Variants in SYK observed in about 807,000 individuals in gnomAD.
SYK encodes the protein tyrosine-protein kinase SYK.
In SYK, 16 loss-of-function variants were observed where a neutral mutation model predicts 77.8. The ratio of observed to expected loss-of-function variants is 0.21; its 90% CI spans 0.14 to 0.31. The LOEUF (loss-of-function observed/expected upper bound fraction) is 0.31. Among genes scored for constraint, SYK ranks in the 10% least tolerant of loss-of-function variants. The pLI is 1.00. For missense variants in SYK, 529 were observed against 814.4 expected, an observed-to-expected ratio of 0.65 and a Z score of 4.26; for synonymous variants, 312 against 308.7, an observed-to-expected ratio of 1.01 and a Z score of -0.11.
At chr9:90,838,980 A>C (rs973509993) in intron 1 of SYK, among the ~76,000 whole-genome samples, 1 of 152,210 alleles carries the variant, frequency 6.6e-6, no homozygotes, top group Admixed American at 6.5e-5. Flanking sequence ...CGTGGCCAAG[A>C]CTACGCTGGG....
At chr9:90,868,750 G>T (rs1360251991) in intron 7 of SYK, among the ~76,000 whole-genome samples, 1 of 152,174 alleles carries the variant, frequency 6.6e-6, no homozygotes, top group Non-Finnish European at 1.5e-5. Flanking sequence ...CTTCCTTGGG[G>T]AAGTCTGAAA....
intron 1 of SYK, among the ~76,000 whole-genome samples, chr9:90,833,886 A>G (rs1163992689): frequency 6.6e-6 from 1 of 152,226 alleles, no homozygotes; most frequent in Non-Finnish European, 1.5e-5. Flanking sequence ...TTTAAATAAA[A>G]CACATGGAAG....
In SYK at chr9:90,895,446, C is replaced by T. The variant is rs945329289; in HGVS notation, c.1836-82C>T. ...CCACCAGGGAGCAGCACCACTGGTA[C>T]TCAGCCTGCAGAGGCCCTGCTTGTG... On this transcript the variant is annotated intron_variant, in intron 13 of 13. Coordinates refer to ENST00000375754, the MANE Select transcript of SYK (RefSeq NM_003177.7). This position sits in a 1 kb window ranked among gnomAD's most constrained non-coding sequence, Gnocchi z 4.4. 3.8e-5 allele frequency: 55 copies of T among 1,459,848 alleles called. No individual in the cohort carries two copies. The highest frequency in any genetic ancestry group is 2.8e-5 in the African/African-American group (2 of 72,098). The allele number at this position is 1,459,848 out of a possible 1,614,324, so 90.4% of individuals were successfully genotyped here. A position where few individuals can be genotyped will look rare whatever the true frequency, so the allele number is the denominator to read the frequency against.
chr9:90,860,430 G>GAAAAGATTACCA (rs1827210557), intron 3 of SYK, among the ~76,000 whole-genome samples: 1 of 112,932 alleles, frequency 8.9e-6, no homozygotes, highest in South Asian at 3.7e-4. Context: ...AGATTACCAT[G>GAAAAGATTACCA]TGGTTTTTTG....
chr9:90,824,752 A>AAC (rs2118444912), intron 1 of SYK, among the ~76,000 whole-genome samples: 1 of 151,952 alleles, frequency 6.6e-6, no homozygotes, highest in African/African-American at 2.4e-5. Flanking sequence ...AAAAAAAAAA[A>AAC]CCTACAGGTA....
At chr9:90,812,719 G>T (rs1825124444) in intron 1 of SYK, among the ~76,000 whole-genome samples, 1 of 150,188 alleles carries the variant, frequency 6.7e-6, no homozygotes, top group African/African-American at 2.5e-5. Flanking sequence ...GGGCAGGCCA[G>T]AGTGGCTCCT....
chr9:90,853,017 A>G (rs1231320650), intron 3 of SYK, among the ~76,000 whole-genome samples: 1 of 152,014 alleles, frequency 6.6e-6, no homozygotes, highest in Admixed American at 6.6e-5. Flanking sequence ...TTACTTGTTT[A>G]TAGTCCCCAC....
At position 90,896,213 on chromosome 9, in the gene SYK, A is replaced by AAAG. The variant is rs1270686820; in HGVS notation, c.*614_*616dup. On this transcript the variant is annotated 3_prime_UTR_variant, in exon 14 of 14. Coordinates refer to ENST00000375754, the MANE Select transcript of SYK (RefSeq NM_003177.7). The stretch of plus-strand genomic sequence containing the variant: ...AAGGAAAGAAAGAAAGAAAAAAAAA[A>AAAG]AAGGCCTGGATACTGCTTTTGCTGT... 2 of 233,194 alleles carry AAAG rather than the reference A, an allele frequency of 8.6e-6. No individual in the cohort carries two copies. Among genetic ancestry groups the AAAG allele is most frequent in the African/African-American group, 4.4e-5 (2 of 45,356 alleles). The allele number at this position is 233,194 out of a possible 1,614,324, so 14.4% of individuals were successfully genotyped here.
rs148413110 is a variant in SYK at position 90,845,586 on chromosome 9, A to C, written c.570A>C (p.Gly190=). 1.6e-5 allele frequency: 26 copies of C among 1,613,958 alleles called. No individual in the cohort carries two copies. The African/African-American group carries it at 3.5e-4, about 22-fold the overall frequency. Residue 190 remains glycine (G), a synonymous_variant, in exon 3 of 14, where the codon GGA becomes GGC. Transcript: ENST00000375754. The stretch of plus-strand genomic sequence containing the variant: ...TCCTGATAGGATCAAAGACAAATGG[A>C]AAGTTCCTGTGAGTATCGTGCCTTC... ...QIVLIGSKTN[G]KFLIRARDNN...
chr9:90,854,589 A>G (rs1826949739), intron 3 of SYK, among the ~76,000 whole-genome samples: 1 of 152,058 alleles, frequency 6.6e-6, no homozygotes, highest in Non-Finnish European at 1.5e-5. Flanking sequence ...GCTCTTTAAT[A>G]CATTAGTTAA....
At chr9:90,886,111 C>A (rs1828564641) in intron 11 of SYK, among the ~76,000 whole-genome samples, 1 of 152,076 alleles carries the variant, frequency 6.6e-6, no homozygotes, top group Non-Finnish European at 1.5e-5. Flanking sequence ...CACTGGTAAA[C>A]CAAACATACA....
chr9:90,844,214 C>A lies in SYK; in HGVS notation c.316C>A (p.Pro106Thr). ...SDGLVCLLKK[P>T]FNRPQGVQPK... ...TGGCCTGGTCTGCCTCCTCAAGAAGCCCTTCAACCGGCCCCAAGGGGTGCA... is the reference window on the plus strand; with the variant it reads ...TGGCCTGGTCTGCCTCCTCAAGAAGACCTTCAACCGGCCCCAAGGGGTGCA... Residue 106 changes from proline (P) to threonine (T), a missense_variant, in exon 2 of 14, where the codon CCC (proline) becomes ACC (threonine). Pro to Thr is a conservative substitution (Grantham distance 38). Transcript: ENST00000375754. The A allele has an allele frequency of 6.2e-7, 1 of 1,614,236 alleles. No homozygotes were observed. The highest frequency in any genetic ancestry group is 8.5e-7 in the Non-Finnish European group (1 of 1,180,028).
In SYK at chr9:90,884,556, CAT is replaced by C. The variant is rs760939238; in HGVS notation, c.1582-3190_1582-3189del. On this transcript the variant is annotated intron_variant, in intron 11 of 13. Coordinates refer to ENST00000375754, the MANE Select transcript of SYK (RefSeq NM_003177.7). ...GTACATGTACATACATACACATACACATATGTGTACATGTACATACATACACA... is the reference window on the plus strand; with the variant it reads ...GTACATGTACATACATACACATACACATGTGTACATGTACATACATACACA... Among the ~76,000 whole-genome samples, 3 of 96,504 alleles carry C rather than the reference CAT, an allele frequency of 3.1e-5. 1 individual carries two copies. The highest frequency in any genetic ancestry group is 6.3e-5 in the Non-Finnish European group (3 of 47,664). The allele number at this position is 96,504 out of a possible 152,430, so 63.3% of individuals were successfully genotyped here. A position where few individuals can be genotyped will look rare whatever the true frequency, so the allele number is the denominator to read the frequency against.
At chr9:90,877,059 A>G in intron 9 of SYK, among the ~76,000 whole-genome samples, 1 of 151,968 alleles carries the variant, frequency 6.6e-6, no homozygotes, top group East Asian at 1.9e-4. Flanking sequence ...TTTTTATTTT[A>G]TATTATTTTT....
At chr9:90,840,329 G>A (rs1826248526) in intron 1 of SYK, among the ~76,000 whole-genome samples, 2 of 152,062 alleles carry the variant, frequency 1.3e-5, no homozygotes, top group South Asian at 2.1e-4. Context: ...AGTATGAGAC[G>A]TGCTGGGCTG....
intron 3 of SYK, among the ~76,000 whole-genome samples, chr9:90,860,426 C>A (rs982574557): frequency 1.6e-5 from 2 of 128,064 alleles, no homozygotes; most frequent in Non-Finnish European, 3.1e-5. Flanking sequence ...GAAAAGATTA[C>A]CATGTGGTTT....
intron 11 of SYK, among the ~76,000 whole-genome samples, chr9:90,881,846 AAC>A (rs1165119078): frequency 2.0e-5 from 3 of 152,164 alleles, no homozygotes; most frequent in Non-Finnish European, 2.9e-5. Flanking sequence ...TCCGAGAGCA[AAC>A]ACACACATCT....
At chr9:90,891,034 C>T (rs1313425072) in intron 13 of SYK, among the ~76,000 whole-genome samples, 1 of 151,990 alleles carries the variant, frequency 6.6e-6, no homozygotes, top group Non-Finnish European at 1.5e-5. Context: ...GCCCAAAGAT[C>T]GGTTGGACAG....
chr9:90,812,994 G>C (rs28433506), intron 1 of SYK, among the ~76,000 whole-genome samples: 1,981 of 152,180 alleles, frequency 0.013, 48 homozygotes, highest in African/African-American at 0.045. Flanking sequence ...ATGTGCACTG[G>C]TCAGATAGCA....
Sources: allele counts gnomAD v4.1 joint callset (sites outside exome capture counted in the v4.1 genomes callset), GRCh38; gene constraint gnomAD v4.1.1; non-coding constraint Gnocchi (gnomAD v3.1); transcripts MANE v1.5; gene names NCBI Gene and HGNC (gene_info 2026-07-23, HGNC 2026-07-21).